The following DOP1A variants were observed in gnomAD, a reference collection of about 807,000 sequenced individuals.
The protein encoded by DOP1A is DOP1 leucine zipper like protein A, also known as protein DOP1A.
A neutral mutation model predicts 267.6 loss-of-function variants in DOP1A; 90 were observed. That is an observed-to-expected ratio of 0.34 (90% confidence interval 0.28 to 0.40). The LOEUF (loss-of-function observed/expected upper bound fraction) is 0.40, where lower values mean the gene tolerates loss of function less well. Among genes scored for constraint, DOP1A ranks in the 10% least tolerant of loss-of-function variants. The pLI is 1.00. For synonymous variants in DOP1A, 932 were observed against 999.1 expected (o/e 0.93, Z 1.27); for missense variants, 2,437 against 2,900.4 (o/e 0.84, Z 3.67).
At chr6:83,139,288 ATTAC>A (rs1345708808) in intron 21 of DOP1A, 126 bp downstream of exon 21, 13 of 694,814 alleles carry the variant, frequency 1.9e-5, no homozygotes, top group Non-Finnish European at 2.3e-5. Context: ...CAAATAGTGT[ATTAC>A]TTTCCACAAA....
Position 83,162,789 on chromosome 6 carries a change from G to A in DOP1A, c.6963-1G>A. 6.2e-7 allele frequency: 1 copy of A among 1,610,768 alleles called. No individual in the cohort carries two copies. The highest frequency in any genetic ancestry group is 1.3e-5 in the African/African-American group (1 of 74,874). Reference sequence around the variant, plus strand: ...TGCTGATGTCATTATTCTATACATAGGTACCGATGGGCCTTTATTCCAGAA... The same window carrying A: ...TGCTGATGTCATTATTCTATACATAAGTACCGATGGGCCTTTATTCCAGAA... On this transcript the variant is annotated splice_acceptor_variant, in intron 37 of 38. Coordinates refer to ENST00000349129, the MANE Select transcript of DOP1A (RefSeq NM_015018.4). LOFTEE classifies it high-confidence loss of function.
intron 7 of DOP1A, among the ~76,000 whole-genome samples, chr6:83,117,844 C>G (rs1333132775): frequency 6.6e-6 from 1 of 152,192 alleles, no homozygotes; most frequent in Non-Finnish European, 1.5e-5. Flanking sequence ...CATTTGTGTT[C>G]AAAGGAGTGA....
chr6:83,134,534 G>A (rs971136963), intron 19 of DOP1A: 7 of 369,038 alleles, frequency 1.9e-5, no homozygotes, highest in South Asian at 1.1e-4. Flanking sequence ...TATTCATCAC[G>A]TTCCTGATAA....
At chr6:83,088,324 G>T (rs1248944136) in intron 1 of DOP1A, among the ~76,000 whole-genome samples, 1 of 152,066 alleles carries the variant, frequency 6.6e-6, no homozygotes, top group Non-Finnish European at 1.5e-5. Context: ...TAAGGGCATG[G>T]GAGATTGGAT....
In DOP1A at chr6:83,141,813, A is replaced by C. The variant is rs1445174069; in HGVS notation, c.5416-108A>C. 2 of 1,110,408 alleles carry C rather than the reference A, an allele frequency of 1.8e-6. 1 individual carries two copies. The highest frequency in any genetic ancestry group is 2.5e-6 in the Non-Finnish European group (2 of 807,762). 68.8% of individuals were successfully genotyped at this position (1,110,408 alleles called of 1,614,324 possible). A position where few individuals can be genotyped will look rare whatever the true frequency, so the allele number is the denominator to read the frequency against. ...TTCCTCTAGTGTTATTTAGATAGTA[A>C]AACCTATAAGTACTATATTATTTCA... On this transcript the variant is annotated intron_variant, in intron 23 of 38. Coordinates refer to ENST00000349129, the MANE Select transcript of DOP1A (RefSeq NM_015018.4).
Position 83,137,432 on chromosome 6 carries a change from C to G in DOP1A, c.3390C>G (p.Thr1130=). ...DNLSYEVDPE[T]VNAQEDSQMP... ...TGAGTTACGAAGTTGATCCTGAAAC[C>G]GTGAATGCCCAAGAGGATTCTCAAA... Residue 1130 remains threonine, a synonymous_variant, in exon 21 of 39, where the codon ACC becomes ACG. Transcript: ENST00000349129. 1.9e-6 allele frequency: 3 copies of G among 1,613,818 alleles called. No individual in the cohort carries two copies. In the South Asian group the frequency reaches 3.3e-5, roughly 18 times the overall value.
Position 83,087,659 on chromosome 6 carries a change from T to G in DOP1A, c.-146-9072T>G, listed in dbSNP as rs980108167. Among the ~76,000 whole-genome samples the G allele has an allele frequency of 5.3e-5, 8 of 152,322 alleles. No individual in the cohort carries two copies. The East Asian group carries it at 1.5e-3, about 29-fold the overall frequency. ...TATCATTTCTATCCTTCAGTTTCCT[T>G]ACTTGTAAATGTGAGTAATAGTGCC... On this transcript the variant is annotated intron_variant, in intron 1 of 38. Transcript: ENST00000349129.
intron 23 of DOP1A, 58 bp from the exon 24 acceptor site, chr6:83,141,860 AGTT>A: frequency 6.5e-7 from 1 of 1,540,226 alleles, no homozygotes; most frequent in South Asian, 1.2e-5. Flanking sequence ...AACGCAGTCT[AGTT>A]GTAAATGTTT....
intron 4 of DOP1A, among the ~76,000 whole-genome samples, chr6:83,105,093 A>C (rs933892723): frequency 1.3e-4 from 20 of 152,224 alleles, no homozygotes; most frequent in African/African-American, 4.8e-4. Flanking sequence ...AAGACATATA[A>C]TAACCAAACA....
rs1159284295 is a variant in DOP1A at position 83,100,722 on chromosome 6, A to G, written c.156A>G (p.Ala52=). ...GKLNKVLQNN[A]KYQVVPKKLT... Reference sequence around the variant, plus strand: ...TCTTCAAGGTTTTACAAAATAATGCAAAGTACCAAGTAGTACCCAAAAAGC... The same window carrying G: ...TCTTCAAGGTTTTACAAAATAATGCGAAGTACCAAGTAGTACCCAAAAAGC... The change falls in exon 4 of 39, where the codon GCA becomes GCG. Residue 52 remains alanine, a synonymous_variant. Coordinates refer to ENST00000349129, the MANE Select transcript of DOP1A (RefSeq NM_015018.4). 2.0e-6 allele frequency: 3 copies of G among 1,479,092 alleles called. No individual in the cohort carries two copies. Among genetic ancestry groups the G allele is most frequent in the African/African-American group, 2.9e-5 (2 of 70,170 alleles). The allele number at this position is 1,479,092 out of a possible 1,614,324, so 91.6% of individuals were successfully genotyped here.
At chr6:83,166,427 G>T in intron 38 of DOP1A, 1 of 701,884 alleles carries the variant, frequency 1.4e-6, no homozygotes. Flanking sequence ...TGGGCCAAAT[G>T]CATTGTTGAT....
intron 1 of DOP1A, 108 bp downstream of exon 1, chr6:83,067,887 C>G: frequency 6.6e-6 from 1 of 152,544 alleles, no homozygotes; most frequent in Non-Finnish European, 1.5e-5. Context: ...GCGAGTCTGA[C>G]TGCTGTGGCG....
intron 19 of DOP1A, among the ~76,000 whole-genome samples, chr6:83,134,939 G>A (rs1778643155): frequency 6.6e-6 from 1 of 152,092 alleles, no homozygotes; most frequent in South Asian, 2.1e-4. Flanking sequence ...CGTTATTTCA[G>A]CTGGTGCTTT....
At chr6:83,104,999 T>G (rs998377794) in intron 4 of DOP1A, among the ~76,000 whole-genome samples, 5 of 152,208 alleles carry the variant, frequency 3.3e-5, no homozygotes, top group Non-Finnish European at 5.9e-5. Context: ...CTGTCTATGC[T>G]CCACTCTCCT....
At chr6:83,158,915 G>A (rs1783498200) in intron 36 of DOP1A, among the ~76,000 whole-genome samples, 1 of 152,162 alleles carries the variant, frequency 6.6e-6, no homozygotes, top group African/African-American at 2.4e-5. Context: ...TCTGGTCTCT[G>A]AAACATTGCA....
chr6:83,161,505 A>G (rs898142920), intron 37 of DOP1A, among the ~76,000 whole-genome samples: 3 of 152,208 alleles, frequency 2.0e-5, no homozygotes, highest in African/African-American at 7.2e-5. Context: ...TTCGATGTAT[A>G]TGACAAAAGT....
chr6:83,130,702 C>T (rs555955631), intron 17 of DOP1A, among the ~76,000 whole-genome samples: 3 of 150,852 alleles, frequency 2.0e-5, no homozygotes, highest in South Asian at 2.1e-4. Context: ...AAGAGGAAAG[C>T]GGTAGAACTT....
At position 83,151,946 on chromosome 6, in the gene DOP1A, A is replaced by G; in HGVS notation, c.5968A>G (p.Thr1990Ala). The G allele has an allele frequency of 6.2e-7, 1 of 1,613,990 alleles. No individual in the cohort carries two copies. Among genetic ancestry groups the G allele is most frequent in the Non-Finnish European group, 8.5e-7 (1 of 1,179,906 alleles). ...TGCTGGTTCTTCTCTGGAACAGACA[A>G]CATGGCTGCGACGAAATCTTGAAGT... ...AIAGSSLEQT[T>A]WLRRNLEVKP... Residue 1990 changes from threonine (T) to alanine (A), a missense_variant, in exon 29 of 39, where the codon ACA becomes GCA. Coordinates refer to ENST00000349129, the MANE Select transcript of DOP1A (RefSeq NM_015018.4).
At chr6:83,152,713 G>C (rs1053455489) in intron 30 of DOP1A, among the ~76,000 whole-genome samples, 1 of 151,358 alleles carries the variant, frequency 6.6e-6, no homozygotes, top group African/African-American at 2.4e-5. Flanking sequence ...TGCCTCCCGG[G>C]CTCAAGCTAT....
Sources: gnomAD v4.1 joint callset for allele counts (sites outside exome capture counted in the v4.1 genomes callset) on GRCh38, gnomAD v4.1.1 for gene constraint, MANE v1.5 for transcripts, NCBI Gene and HGNC (gene_info 2026-07-23, HGNC 2026-07-21) for gene names.